SRBD1: variants seen among roughly 807,000 people sequenced by gnomAD.
SRBD1 encodes S1 RNA binding domain 1, also known as S1 RNA-binding domain-containing protein 1.
Under a neutral mutation model 115.3 loss-of-function variants are expected in SRBD1, and 88 were observed. The observed-to-expected ratio is 0.76, with a 90% CI of 0.64 to 0.91. The LOEUF (loss-of-function observed/expected upper bound fraction) is 0.91, where lower values mean the gene tolerates loss of function less well. Ranked by LOEUF, SRBD1 falls within the 40% of genes least tolerant of loss-of-function variation. The pLI, the probability that SRBD1 is intolerant of heterozygous loss-of-function variation, is 0.00. For synonymous variants in SRBD1, 509 were observed against 407.7 expected (o/e 1.25, Z -2.99); for missense variants, 1,385 against 1,177.4 (o/e 1.18, Z -2.58).
rs770705313 is a variant in SRBD1, at chr2:45,579,953, A to C, written c.994T>G (p.Leu332Val). Residue 332 changes from leucine to valine, a missense_variant, in exon 7 of 21, where the codon TTA becomes GTA. By Grantham distance (32) the Leu-to-Val change is conservative (BLOSUM62 1). Coordinates refer to ENST00000263736, the MANE Select transcript of SRBD1 (RefSeq NM_018079.5). ...AGCAGTGCCCTGGCTGCTCCTTCTA[A>C]GCCCAACTGTCTTGCTCTCTGGGCT... ...TKAQRARQLG[L>V]EGAARALLEK... 1.2e-6 allele frequency: 2 copies of C among 1,609,596 alleles called. No individual in the cohort carries two copies. Among genetic ancestry groups the C allele is most frequent in the South Asian group, 2.2e-5 (2 of 90,554 alleles).
chr2:45,547,785 C>T (rs1672168306), intron 12 of SRBD1, among the ~76,000 whole-genome samples, 173 bp from the exon 13 acceptor site: 1 of 152,176 alleles, frequency 6.6e-6, no homozygotes, highest in Admixed American at 6.5e-5. Context: ...TGAAGTATTG[C>T]TCTTTCCAAT....
At chr2:45,494,647 T>C (rs1670400939) in intron 14 of SRBD1, among the ~76,000 whole-genome samples, 1 of 152,232 alleles carries the variant, frequency 6.6e-6, no homozygotes, top group Non-Finnish European at 1.5e-5. Flanking sequence ...CCTTGCCCTC[T>C]TGAATTTTAC....
Position 45,553,766 on chromosome 2 carries a change from A to G in SRBD1, c.1410-36T>C, listed in dbSNP as rs375689258. The G allele has an allele frequency of 2.0e-5, 28 of 1,393,636 alleles. No individual in the cohort carries two copies. In the Middle Eastern group the frequency reaches 1.3e-3, roughly 65 times the overall value. The allele number at this position is 1,393,636 out of a possible 1,614,324, so 86.3% of individuals were successfully genotyped here. On this transcript the variant is annotated intron_variant, in intron 10 of 20. Coordinates refer to ENST00000263736, the MANE Select transcript of SRBD1 (RefSeq NM_018079.5). ...GAAAAGCCCACACTAAAACTGATGC[A>G]ACAATAAATAAGGCCATAAAAAGGC...
At position 45,574,637 on chromosome 2, in the gene SRBD1, T is replaced by A. The variant is rs746036219; in HGVS notation, c.1159A>T (p.Ile387Phe). ...IAKDKDTLDF[I>F]RNLCQKRHVC... Reference sequence around the variant, plus strand: ...AAAAGAGATACTCACAAGTTCCGAATGAAGTCAAGCGTGTCTTTGTCTTTA... The same window carrying A: ...AAAAGAGATACTCACAAGTTCCGAAAGAAGTCAAGCGTGTCTTTGTCTTTA... The change falls in exon 8 of 21, where the codon ATT (isoleucine) becomes TTT (phenylalanine). Residue 387 changes from isoleucine (I) to phenylalanine (F), a missense_variant. Coordinates refer to ENST00000263736, the MANE Select transcript of SRBD1 (RefSeq NM_018079.5). The A allele has an allele frequency of 7.4e-6, 12 of 1,613,194 alleles. No homozygotes were observed. Among genetic ancestry groups the A allele is most frequent in the Non-Finnish European group, 1.0e-5 (12 of 1,179,648 alleles).
At chr2:45,449,955 T>C (rs1368053635) in intron 16 of SRBD1, among the ~76,000 whole-genome samples, 5 of 152,138 alleles carry the variant, frequency 3.3e-5, no homozygotes, top group Admixed American at 3.3e-4. Context: ...CACAGCCCTC[T>C]CTCTTAAGGC....
chr2:45,477,081 A>G lies in SRBD1; in HGVS notation c.1967-6T>C. The G allele has an allele frequency of 6.2e-7, 1 of 1,612,758 alleles. No homozygotes were observed. Among genetic ancestry groups the G allele is most frequent in the Non-Finnish European group, 8.5e-7 (1 of 1,179,426 alleles). On this transcript the variant is annotated splice_polypyrimidine_tract_variant and splice_region_variant and intron_variant, in intron 15 of 20. Coordinates refer to ENST00000263736, the MANE Select transcript of SRBD1 (RefSeq NM_018079.5). ...TACACGCCTTGCTATGGAAACTGAA[A>G]AAACAGAATCAGAAAACAAGTATGA...
chr2:45,497,845 ACCAACACGGTGAAAC>A (rs1374254574), intron 14 of SRBD1, among the ~76,000 whole-genome samples: 7 of 151,844 alleles, frequency 4.6e-5, no homozygotes, highest in African/African-American at 1.7e-4. Flanking sequence ...GACCAGCCTG[ACCAACACGGTGAAAC>A]CCTGTCTCTA....
Position 45,567,610 on chromosome 2 carries a change from GA to G in SRBD1, c.1306-4855del, listed in dbSNP as rs1243302196. ...GGTGAAAGAGCAAGATACTGTCTAA[GA>G]AAAAAAAAAAAAAGTAAGCTTACAT... On this transcript the variant is annotated intron_variant, in intron 9 of 20. Coordinates refer to ENST00000263736, the MANE Select transcript of SRBD1 (RefSeq NM_018079.5). Among the ~76,000 whole-genome samples, 663 of 105,190 alleles carry G rather than the reference GA, an allele frequency of 6.3e-3. 10 individuals carry two copies. The highest frequency in any genetic ancestry group is 0.02 in the African/African-American group (551 of 28,218). 69.0% of individuals were successfully genotyped at this position (105,190 alleles called of 152,430 possible).
intron 14 of SRBD1, among the ~76,000 whole-genome samples, chr2:45,509,591 G>A (rs978782148): frequency 5.7e-5 from 5 of 88,180 alleles, no homozygotes; most frequent in South Asian, 4.1e-4. Context: ...GCAAGACTCC[G>A]TCTCAAAACA....
At chr2:45,497,490 G>A (rs1471894151) in intron 14 of SRBD1, among the ~76,000 whole-genome samples, 3 of 152,082 alleles carry the variant, frequency 2.0e-5, no homozygotes, top group Non-Finnish European at 4.4e-5. Context: ...AGAATTAGCT[G>A]GAGGGTTTCA....
intron 4 of SRBD1, among the ~76,000 whole-genome samples, chr2:45,596,387 A>G (rs1257547022): frequency 6.6e-6 from 1 of 152,234 alleles, no homozygotes; most frequent in Admixed American, 6.5e-5. Flanking sequence ...ATTCCTAACC[A>G]AACATTAAAA....
chr2:45,549,885 G>A (rs750230623), intron 12 of SRBD1, among the ~76,000 whole-genome samples: 1 of 151,500 alleles, frequency 6.6e-6, no homozygotes, highest in African/African-American at 2.4e-5. Flanking sequence ...ATAAATAAAA[G>A]AATAACATAA....
intron 14 of SRBD1, among the ~76,000 whole-genome samples, chr2:45,539,131 A>C (rs1192476545): frequency 6.6e-6 from 1 of 152,182 alleles, no homozygotes; most frequent in African/African-American, 2.4e-5. Context: ...TTAAAATACA[A>C]AACCAATATG....
chr2:45,599,117 A>G lies in SRBD1; in HGVS notation c.648+332T>C, dbSNP rs78374245. 9.1e-3 allele frequency among the ~76,000 whole-genome samples: 1,383 copies of G among 152,310 alleles called. 15 individuals carry two copies. The highest frequency in any genetic ancestry group is 0.03 in the African/African-American group (1,263 of 41,558). ...TAATCACCTACACTGCTTTTATAGGAAAATACAGTCCAAGTTCAAAGCAAA... is the reference window on the plus strand; with the variant it reads ...TAATCACCTACACTGCTTTTATAGGGAAATACAGTCCAAGTTCAAAGCAAA... On this transcript the variant is annotated intron_variant, in intron 4 of 20. Coordinates refer to ENST00000263736, the MANE Select transcript of SRBD1 (RefSeq NM_018079.5).
intron 16 of SRBD1, among the ~76,000 whole-genome samples, chr2:45,424,102 G>A (rs1668084000): frequency 6.6e-6 from 1 of 152,046 alleles, no homozygotes; most frequent in Non-Finnish European, 1.5e-5. Context: ...ACATACTGAT[G>A]TAATAATATT....
At position 45,588,969 on chromosome 2, in the gene SRBD1, T is replaced by A. The variant is rs79643848; in HGVS notation, c.649-3195A>T. Among the ~76,000 whole-genome samples the A allele has an allele frequency of 3.7e-3, 560 of 152,288 alleles. 10 individuals carry two copies. The highest frequency in any genetic ancestry group is 0.013 in the African/African-American group (535 of 41,542). On this transcript the variant is annotated intron_variant, in intron 4 of 20. Coordinates refer to ENST00000263736, the MANE Select transcript of SRBD1 (RefSeq NM_018079.5). ...TCAATGGCCTAAGCATCACTGTATATTCTCTATCACATCCATCTACTCTGT... is the reference window on the plus strand; with the variant it reads ...TCAATGGCCTAAGCATCACTGTATAATCTCTATCACATCCATCTACTCTGT...
intron 19 of SRBD1, 51 bp from the exon 20 acceptor site, chr2:45,393,180 G>T: frequency 3.9e-6 from 6 of 1,526,210 alleles, no homozygotes; most frequent in Non-Finnish European, 5.3e-6. Flanking sequence ...TACTCCTTTT[G>T]CAATCTCCTT....
Position 45,551,239 on chromosome 2 carries a change from A to T in SRBD1, c.1561T>A (p.Phe521Ile). The T allele has an allele frequency of 6.2e-7, 1 of 1,610,708 alleles. No homozygotes were observed. Residue 521 changes from phenylalanine (F) to isoleucine (I), a missense_variant, in exon 12 of 21, where the codon TTT (phenylalanine) becomes ATT (isoleucine). Physicochemically the swap from Phe to Ile is conservative, Grantham distance 21. Coordinates refer to ENST00000263736, the MANE Select transcript of SRBD1 (RefSeq NM_018079.5). ...AGGAGCTGACGAAGGTTCCGTCCAA[A>T]CATCATTACTGATTCCTTCTCTGCA... ...SDAEKESVMM[F>I]GRNLRQLLLT...
intron 16 of SRBD1, chr2:45,447,910 A>T (rs1432485359): frequency 6.6e-6 from 1 of 152,178 alleles, no homozygotes; most frequent in East Asian, 1.9e-4. Context: ...CCATATCTTA[A>T]CATACAACAT....
Sources: gnomAD v4.1 joint callset for allele counts (sites outside exome capture counted in the v4.1 genomes callset) on GRCh38, gnomAD v4.1.1 for gene constraint, MANE v1.5 for transcripts, NCBI Gene and HGNC (gene_info 2026-07-23, HGNC 2026-07-21) for gene names.